BLVRA: variants seen among roughly 807,000 people sequenced by gnomAD.
The protein encoded by BLVRA is biliverdin reductase A, also known as BVR A.
Under a neutral mutation model 32.8 loss-of-function variants are expected in BLVRA, and 22 were observed. That is an observed-to-expected ratio of 0.67 (90% CI 0.48 to 0.96). The LOEUF is 0.96. Ranked by LOEUF, BLVRA falls within the 40% of genes least tolerant of loss-of-function variation. The pLI, the probability that BLVRA is intolerant of heterozygous loss-of-function variation, is 0.00. For missense variants in BLVRA, 323 were observed against 358.1 expected, an observed-to-expected ratio of 0.90 and a Z score of 0.79; for synonymous variants, 119 against 141.3, an observed-to-expected ratio of 0.84 and a Z score of 1.12.
chr7:43,778,763 C>T (rs899937664), intron 2 of BLVRA, among the ~76,000 whole-genome samples: 1 of 152,236 alleles, frequency 6.6e-6, no homozygotes, highest in Non-Finnish European at 1.5e-5. Context: ...AGAGGTGGAG[C>T]CTACAGAGGC....
chr7:43,795,909 G>A (rs2095792228), intron 5 of BLVRA, among the ~76,000 whole-genome samples: 2 of 151,864 alleles, frequency 1.3e-5, no homozygotes, highest in Admixed American at 1.3e-4. Context: ...TCCAAGACCT[G>A]CCTGGCCAAA....
Position 43,800,361 on chromosome 7 carries a change from T to C in BLVRA, c.353-104T>C. ...CCTGGCCATGTGCCCAGGGCAGTTA[T>C]GAGTGCTTCATGTCTTGTGTTAGGG... On this transcript the variant is annotated intron_variant, in intron 5 of 7. Coordinates refer to ENST00000265523, the MANE Select transcript of BLVRA (RefSeq NM_000712.4). 1.2e-5 allele frequency: 13 copies of C among 1,111,302 alleles called. No individual in the cohort carries two copies. The South Asian group carries it at 1.7e-4, about 14-fold the overall frequency. The allele number at this position is 1,111,302 out of a possible 1,614,324, so 68.8% of individuals were successfully genotyped here.
chr7:43,778,950 C>T (rs994526646), intron 2 of BLVRA, among the ~76,000 whole-genome samples: 8 of 152,248 alleles, frequency 5.3e-5, no homozygotes, highest in Admixed American at 1.3e-4. Flanking sequence ...GCATAGGACC[C>T]GCCGAGCCAT....
chr7:43,760,004 T>TC (rs1383673387), intron 1 of BLVRA: 1 of 144,894 alleles, frequency 6.9e-6, no homozygotes, highest in African/African-American at 2.5e-5. Flanking sequence ...TTTTTTTTTT[T>TC]TTTTTGAGAC....
intron 3 of BLVRA, among the ~76,000 whole-genome samples, chr7:43,789,463 G>T (rs1231725073): frequency 1.3e-5 from 2 of 152,114 alleles, no homozygotes; most frequent in African/African-American, 4.8e-5. Context: ...GATTCCAAGG[G>T]AGCTGCACAC....
At chr7:43,770,850 G>A (rs969901449) in intron 1 of BLVRA, among the ~76,000 whole-genome samples, 5 of 152,196 alleles carry the variant, frequency 3.3e-5, no homozygotes, top group African/African-American at 7.2e-5. Context: ...GAGGCATCCC[G>A]ATTGCAGCTG....
Position 43,759,543 on chromosome 7 carries a change from G to T in BLVRA, c.-22+809G>T, listed in dbSNP as rs77686183. Reference sequence around the variant, plus strand: ...CTCGATTTTCTCACCTGTAAAAGTGGGGGTAATCATAATGCTTACTTAGTA... The same window carrying T: ...CTCGATTTTCTCACCTGTAAAAGTGTGGGTAATCATAATGCTTACTTAGTA... On this transcript the variant is annotated intron_variant, in intron 1 of 7. Coordinates refer to ENST00000265523, the MANE Select transcript of BLVRA (RefSeq NM_000712.4). Among the ~76,000 whole-genome samples, 3 of 152,260 alleles carry T rather than the reference G, an allele frequency of 2.0e-5. 1 individual carries two copies. In the South Asian group the frequency reaches 6.2e-4, roughly 32 times the overall value.
At chr7:43,778,188 A>C (rs1187035586) in intron 2 of BLVRA, among the ~76,000 whole-genome samples, 1 of 152,200 alleles carries the variant, frequency 6.6e-6, no homozygotes, top group African/African-American at 2.4e-5. Context: ...GCTGGTGAGG[A>C]ACTGCATTCC....
chr7:43,799,207 G>T (rs2095796099), intron 5 of BLVRA, among the ~76,000 whole-genome samples: 1 of 152,112 alleles, frequency 6.6e-6, no homozygotes, highest in Admixed American at 6.5e-5. Context: ...CATCCTCCTT[G>T]CTCCTGAGGT....
intron 1 of BLVRA, among the ~76,000 whole-genome samples, chr7:43,768,174 G>A (rs189449060): frequency 1.7e-3 from 254 of 152,272 alleles, no homozygotes; most frequent in Non-Finnish European, 2.8e-3. Context: ...GTATCATTCT[G>A]CCTGTTATAA....
intron 1 of BLVRA, among the ~76,000 whole-genome samples, chr7:43,769,173 G>A (rs951503377): frequency 1.2e-4 from 18 of 151,924 alleles, no homozygotes; most frequent in African/African-American, 4.4e-4. Context: ...GACTATAGGT[G>A]TATGCCACAA....
At chr7:43,791,495 A>ATTGGT in intron 4 of BLVRA, 127 bp downstream of exon 4, 1 of 1,016,818 alleles carries the variant, frequency 9.8e-7, no homozygotes, top group Non-Finnish European at 1.5e-6. Flanking sequence ...TTGCTCTGTG[A>ATTGGT]CCAATCACAG....
chr7:43,766,243 A>C (rs1387841552), intron 1 of BLVRA, among the ~76,000 whole-genome samples: 4 of 149,498 alleles, frequency 2.7e-5, no homozygotes, highest in African/African-American at 7.4e-5. Flanking sequence ...CCGAGATCCC[A>C]CCATTGCACT....
chr7:43,801,691 G>A (rs1228355813), intron 6 of BLVRA, among the ~76,000 whole-genome samples: 1 of 152,158 alleles, frequency 6.6e-6, no homozygotes, highest in Non-Finnish European at 1.5e-5. Context: ...CCTATAAAGT[G>A]GTATTCACTA....
At chr7:43,764,590 G>A (rs2095745740) in intron 1 of BLVRA, among the ~76,000 whole-genome samples, 1 of 152,052 alleles carries the variant, frequency 6.6e-6, no homozygotes, top group African/African-American at 2.4e-5. Context: ...GAAGAGAGTG[G>A]CTTCTCTTTG....
intron 2 of BLVRA, among the ~76,000 whole-genome samples, chr7:43,772,860 G>T (rs922974832): frequency 4.6e-5 from 7 of 152,204 alleles, no homozygotes; most frequent in Non-Finnish European, 8.8e-5. Flanking sequence ...GACACACAGG[G>T]ATTATGGGGA....
intron 2 of BLVRA, among the ~76,000 whole-genome samples, chr7:43,778,034 A>T (rs2095763530): frequency 6.6e-6 from 1 of 152,102 alleles, no homozygotes; most frequent in Non-Finnish European, 1.5e-5. Context: ...TATTCTAGTT[A>T]TACATTCATC....
chr7:43,803,759 G>A lies in BLVRA; in HGVS notation c.544G>A (p.Glu182Lys). ...GACCTGGCTGGTCTCCCTCTTTGGG[G>A]AGCTTTCTCTTGTGTCTGCCACTTT... ...RLTWLVSLFG[E>K]LSLVSATLEE... The change falls in exon 7 of 8, where the codon GAG (glutamate) becomes AAG (lysine). Residue 182 changes from glutamate to lysine, a missense_variant. Physicochemically the swap from Glu to Lys is moderately conservative, Grantham distance 56. Transcript: ENST00000265523. 1 of 1,614,194 alleles carries A rather than the reference G, an allele frequency of 6.2e-7. No homozygotes were observed. The highest frequency in any genetic ancestry group is 8.5e-7 in the Non-Finnish European group (1 of 1,180,026).
intron 1 of BLVRA, chr7:43,764,361 T>C (rs2095745532): frequency 6.6e-6 from 1 of 152,228 alleles, no homozygotes; most frequent in Non-Finnish European, 1.5e-5. Context: ...GAGTTACACA[T>C]TGTTCTACAA....
Sources: allele counts gnomAD v4.1 joint callset (sites outside exome capture counted in the v4.1 genomes callset), GRCh38; gene constraint gnomAD v4.1.1; transcripts MANE v1.5; gene names NCBI Gene and HGNC (gene_info 2026-07-23, HGNC 2026-07-21).